DDX31: variants seen among roughly 807,000 people sequenced by gnomAD.
The protein encoded by DDX31 is ATP-dependent DNA helicase DDX31.
Under a neutral mutation model 91.3 loss-of-function variants are expected in DDX31, and 70 were observed. The observed-to-expected ratio is 0.77, with a 90% CI of 0.63 to 0.94. DDX31 has a LOEUF of 0.94. Among genes scored for constraint, DDX31 ranks in the 40% least tolerant of loss-of-function variants. The pLI is 0.00. For missense variants in DDX31, 902 were observed against 925.0 expected, an observed-to-expected ratio of 0.98 and a Z score of 0.32; for synonymous variants, 362 against 350.6, an observed-to-expected ratio of 1.03 and a Z score of -0.36.
intron 6 of DDX31, 75 bp from the exon 7 acceptor site, chr9:132,652,567 T>C (rs1834271005): frequency 1.3e-6 from 2 of 1,572,072 alleles, no homozygotes; most frequent in Non-Finnish European, 8.7e-7. Flanking sequence ...GACACAGGGG[T>C]GGCCGGTTGT....
At position 132,661,622 on chromosome 9, in the gene DDX31, G is replaced by A. The variant is rs187653749; in HGVS notation, c.409-371C>T. Among the ~76,000 whole-genome samples, 757 of 152,260 alleles carry A rather than the reference G, an allele frequency of 5.0e-3. 7 individuals are homozygous for A. The highest frequency in any genetic ancestry group is 0.018 in the African/African-American group (734 of 41,538). ...CTGAGAAACCCTGATCCACCCCCCAGGTGAGAAAACAAGTTTAGGTAACCC... is the reference window on the plus strand; with the variant it reads ...CTGAGAAACCCTGATCCACCCCCCAAGTGAGAAAACAAGTTTAGGTAACCC... On this transcript the variant is annotated intron_variant, in intron 3 of 19. Coordinates refer to ENST00000372159, the MANE Select transcript of DDX31 (RefSeq NM_022779.9).
chr9:132,620,634 C>T (rs942765451), intron 17 of DDX31, among the ~76,000 whole-genome samples: 1 of 151,972 alleles, frequency 6.6e-6, no homozygotes, highest in African/African-American at 2.4e-5. Flanking sequence ...TCCAGAAATA[C>T]CTTATTTTAA....
intron 1 of DDX31, 193 bp downstream of exon 1, chr9:132,669,667 C>A: frequency 6.5e-6 from 10 of 1,532,982 alleles, no homozygotes; most frequent in South Asian, 1.2e-5. Flanking sequence ...CGCTTCCAGG[C>A]GCATCCCTGC....
At chr9:132,610,125 G>T (rs1427446840) in intron 19 of DDX31, among the ~76,000 whole-genome samples, 1 of 152,162 alleles carries the variant, frequency 6.6e-6, no homozygotes, top group African/African-American at 2.4e-5. Context: ...CCTAAGACAG[G>T]ATCTGGGAAC....
intron 6 of DDX31, among the ~76,000 whole-genome samples, chr9:132,657,456 A>G (rs752224257): frequency 2.6e-5 from 4 of 152,212 alleles, no homozygotes; most frequent in Non-Finnish European, 4.4e-5. Context: ...TATCATTTGT[A>G]TATTTATTTA....
At chr9:132,645,854 G>A (rs1289763704) in intron 13 of DDX31, 41 bp downstream of exon 13, 1 of 1,577,694 alleles carries the variant, frequency 6.3e-7, no homozygotes, top group Non-Finnish European at 8.6e-7. Context: ...TCTCCACGTG[G>A]GGCCGCAGTG....
intron 16 of DDX31, among the ~76,000 whole-genome samples, chr9:132,628,598 G>A (rs1832539232): frequency 6.6e-6 from 1 of 152,174 alleles, no homozygotes; most frequent in Admixed American, 6.5e-5. Flanking sequence ...AAAATGAAGA[G>A]AGCAGAGAGA....
In DDX31 at chr9:132,618,355, C is replaced by T. The variant is rs1564290402; in HGVS notation, c.1800G>A (p.Glu600=). ...CTTTCTTTGCCCAGGAGACCCTCCT[C>T]TCACTGGAGTGCACGTAATCTTCAA... ...TVFEDYVHSS[E]RRVSWAKKAL... Residue 600 remains glutamate (E), a synonymous_variant, in exon 18 of 20, where the codon GAG becomes GAA. Transcript: ENST00000372159. 1 of 1,610,448 alleles carries T rather than the reference C, an allele frequency of 6.2e-7. No individual in the cohort carries two copies. The highest frequency in any genetic ancestry group is 8.5e-7 in the Non-Finnish European group (1 of 1,178,582).
chr9:132,624,708 T>C (rs1176912418), intron 17 of DDX31, among the ~76,000 whole-genome samples: 2 of 152,026 alleles, frequency 1.3e-5, no homozygotes, highest in African/African-American at 4.8e-5. Flanking sequence ...ACATAAAGAG[T>C]GTAGCACAGT....
At chr9:132,648,020 T>C (rs996722382) in intron 11 of DDX31, among the ~76,000 whole-genome samples, 169 bp downstream of exon 11, 1 of 152,074 alleles carries the variant, frequency 6.6e-6, no homozygotes, top group Non-Finnish European at 1.5e-5. Context: ...CAGAGGGAAG[T>C]TGGGAGTGTA....
intron 6 of DDX31, chr9:132,658,246 C>G (rs1302238208): frequency 1.4e-6 from 1 of 701,968 alleles, no homozygotes; most frequent in African/African-American, 1.7e-5. Context: ...GTCTCTGCAG[C>G]CAAACAGAAC....
intron 14 of DDX31, among the ~76,000 whole-genome samples, chr9:132,640,167 AT>A (rs1833403292): frequency 6.6e-6 from 1 of 152,234 alleles, no homozygotes; most frequent in South Asian, 2.1e-4. Flanking sequence ...TGGGATGATC[AT>A]TACAGTGAAG....
At chr9:132,662,760 G>A (rs993665926) in intron 1 of DDX31, 65 bp from the exon 2 acceptor site, 2 of 1,598,718 alleles carry the variant, frequency 1.3e-6, no homozygotes, top group Non-Finnish European at 1.7e-6. Flanking sequence ...AGAGCTCGGA[G>A]TGAAGCCTGA....
intron 13 of DDX31, among the ~76,000 whole-genome samples, chr9:132,643,597 A>G (rs1178172641): frequency 1.3e-5 from 2 of 152,250 alleles, no homozygotes; most frequent in Admixed American, 6.5e-5. Flanking sequence ...AATCCTCACA[A>G]CAACCCTATG....
chr9:132,618,097 T>G (rs763398703), intron 18 of DDX31, among the ~76,000 whole-genome samples: 5 of 152,236 alleles, frequency 3.3e-5, no homozygotes, highest in Non-Finnish European at 5.9e-5. Context: ...TAAGCCAAGA[T>G]AAAGCCTCAT....
chr9:132,636,293 G>A (rs1042959635), intron 14 of DDX31, among the ~76,000 whole-genome samples: 28 of 152,230 alleles, frequency 1.8e-4, no homozygotes, highest in Non-Finnish European at 2.6e-4. Flanking sequence ...CTAAAGGGGA[G>A]CGGGAGCCAC....
chr9:132,631,047 C>T (rs1031449090), intron 15 of DDX31, among the ~76,000 whole-genome samples: 9 of 152,252 alleles, frequency 5.9e-5, no homozygotes, highest in Non-Finnish European at 1.2e-4. Context: ...ACGGAGAGCA[C>T]TGCCAACTCA....
At chr9:132,598,361 A>C (rs1830550769) in intron 19 of DDX31, among the ~76,000 whole-genome samples, 1 of 152,068 alleles carries the variant, frequency 6.6e-6, no homozygotes, top group African/African-American at 2.4e-5. Context: ...TTGCCCTCCA[A>C]ATACCCGCAC....
At chr9:132,643,729 G>T (rs985454680) in intron 13 of DDX31, among the ~76,000 whole-genome samples, 1 of 152,164 alleles carries the variant, frequency 6.6e-6, no homozygotes, top group South Asian at 2.1e-4. Flanking sequence ...CGAACCCAGG[G>T]AGCTGTGTTC....
Sources: gnomAD v4.1 joint callset for allele counts (sites outside exome capture counted in the v4.1 genomes callset) on GRCh38, gnomAD v4.1.1 for gene constraint, MANE v1.5 for transcripts, NCBI Gene and HGNC (gene_info 2026-07-23, HGNC 2026-07-21) for gene names.